TLN2: variants seen among roughly 807,000 people sequenced by gnomAD.
TLN2 encodes talin-2.
TLN2 carries 118 observed loss-of-function variants against 294.7 expected under a neutral mutation model. The ratio of observed to expected loss-of-function variants is 0.40; its 90% CI spans 0.34 to 0.47. The LOEUF (loss-of-function observed/expected upper bound fraction) is 0.47. TLN2 is among the 20% of genes least tolerant of loss of function. The pLI, the probability that TLN2 is intolerant of heterozygous loss-of-function variation, is 0.84. For synonymous variants in TLN2, 1,431 were observed against 1,304.5 expected, an observed-to-expected ratio of 1.10 and a Z score of -2.09; for missense variants, 3,083 against 3,282.2, an observed-to-expected ratio of 0.94 and a Z score of 1.48.
At chr15:62,577,209 T>G (rs1324752645) in intron 1 of TLN2, among the ~76,000 whole-genome samples, 5 of 152,186 alleles carry the variant, frequency 3.3e-5, no homozygotes, top group Non-Finnish European at 1.5e-5. Flanking sequence ...TTTGGGAGGC[T>G]GAGGCGGGCG....
chr15:62,796,929 T>C (rs1567626127), intron 47 of TLN2, among the ~76,000 whole-genome samples: 1 of 152,152 alleles, frequency 6.6e-6, no homozygotes, highest in Non-Finnish European at 1.5e-5. Flanking sequence ...TGACCTTTCA[T>C]TGAACTATAG....
intron 1 of TLN2, among the ~76,000 whole-genome samples, chr15:62,491,003 ATT>A (rs943341802): frequency 6.6e-6 from 1 of 152,134 alleles, no homozygotes; most frequent in African/African-American, 2.4e-5. Flanking sequence ...GGTTTTATAC[ATT>A]TTACAGAAAC....
chr15:62,606,021 G>A (rs557910175), intron 2 of TLN2, among the ~76,000 whole-genome samples: 4 of 152,294 alleles, frequency 2.6e-5, no homozygotes, highest in South Asian at 4.1e-4. Context: ...AGTGTTAGTC[G>A]ATAGTGCTAG....
chr15:62,754,120 T>C, intron 36 of TLN2: 1 of 662,224 alleles, frequency 1.5e-6, no homozygotes, highest in Non-Finnish European at 2.3e-6. Flanking sequence ...TGCCTTGAAA[T>C]GGGGTGCCAG....
intron 1 of TLN2, among the ~76,000 whole-genome samples, chr15:62,516,362 T>A (rs548587550): frequency 1.1e-4 from 17 of 152,368 alleles, no homozygotes; most frequent in Non-Finnish European, 7.3e-5. Context: ...GGATTATGTT[T>A]TCAGTGTTTT....
intron 2 of TLN2, among the ~76,000 whole-genome samples, chr15:62,606,931 T>C (rs2140805709): frequency 6.6e-6 from 1 of 152,272 alleles, no homozygotes; most frequent in Non-Finnish European, 1.5e-5. Flanking sequence ...GGTGGGCCAC[T>C]GTTGTTGTGT....
chr15:62,797,069 G>C, intron 47 of TLN2, 150 bp from the exon 48 acceptor site: 1 of 779,548 alleles, frequency 1.3e-6, no homozygotes, highest in South Asian at 1.9e-5. Flanking sequence ...GAAGATGAGA[G>C]TCCGTTGGTA....
chr15:62,733,343 G>A (rs1477521440), intron 28 of TLN2, among the ~76,000 whole-genome samples: 1 of 152,164 alleles, frequency 6.6e-6, no homozygotes, highest in African/African-American at 2.4e-5. Context: ...GAGAATGGAT[G>A]GGAAGCAAGG....
chr15:62,408,378 C>T (rs1416087368), intron 1 of TLN2, among the ~76,000 whole-genome samples: 1 of 152,166 alleles, frequency 6.6e-6, no homozygotes, highest in African/African-American at 2.4e-5. Context: ...GGCCCCAGCC[C>T]CAGAGATTTT....
chr15:62,594,977 A>C (rs952612874), intron 2 of TLN2, among the ~76,000 whole-genome samples: 1 of 152,264 alleles, frequency 6.6e-6, no homozygotes, highest in African/African-American at 2.4e-5. Context: ...AAAAATGAGC[A>C]AAGAATCTGA....
intron 14 of TLN2, among the ~76,000 whole-genome samples, chr15:62,694,966 A>G (rs1185263933): frequency 6.6e-6 from 1 of 152,214 alleles, no homozygotes; most frequent in Admixed American, 6.5e-5. Context: ...AATGGGGATA[A>G]TGATATTACC....
At position 62,614,381 on chromosome 15, in the gene TLN2, T is replaced by A. The variant is rs1389890394; in HGVS notation, c.-161-3970T>A. On this transcript the variant is annotated intron_variant, in intron 2 of 58. Transcript: ENST00000636159. ...CCTCTGTGGCAGGTAAGGGATTTTG[T>A]AATCACTGCATTGACTTTATAATTA... Among the ~76,000 whole-genome samples the A allele has an allele frequency of 2.0e-5, 3 of 152,236 alleles. No homozygotes were observed. In the East Asian group the frequency reaches 5.8e-4, roughly 29 times the overall value.
intron 1 of TLN2, among the ~76,000 whole-genome samples, chr15:62,533,074 T>C (rs1265255273): frequency 6.6e-6 from 1 of 151,682 alleles, no homozygotes; most frequent in Non-Finnish European, 1.5e-5. Context: ...GCCAAAGTGG[T>C]GAAACCCTGT....
intron 43 of TLN2, among the ~76,000 whole-genome samples, chr15:62,777,311 C>T (rs975348267): frequency 2.2e-4 from 33 of 152,042 alleles, no homozygotes; most frequent in East Asian, 1.2e-3. Context: ...CCAAGGCGGG[C>T]GGATCACCTG....
chr15:62,450,070 C>G (rs2036015371), intron 1 of TLN2, among the ~76,000 whole-genome samples: 1 of 152,148 alleles, frequency 6.6e-6, no homozygotes, highest in African/African-American at 2.4e-5. Flanking sequence ...ACTTACTTTC[C>G]TAATGTTTTC....
intron 21 of TLN2, among the ~76,000 whole-genome samples, chr15:62,710,928 G>A (rs899428136): frequency 4.6e-5 from 7 of 151,546 alleles, no homozygotes; most frequent in Non-Finnish European, 5.9e-5. Context: ...GGGTTTCACC[G>A]TGTTAGCCAG....
In TLN2 at chr15:62,646,169, C is replaced by CT. The variant is rs5813156; in HGVS notation, c.-36-1095dup. ...TCGTCTCATCTCTTTTCTTTTCTTT[C>CT]TTTTTTTTTTTGAGACAGAGTCTTG... On this transcript the variant is annotated intron_variant, in intron 3 of 58. Coordinates refer to ENST00000636159, the MANE Select transcript of TLN2 (RefSeq NM_015059.3). Among the ~76,000 whole-genome samples the CT allele has an allele frequency of 1.5e-4, 22 of 148,608 alleles. No homozygotes were observed. In the South Asian group the frequency reaches 1.5e-3, roughly 10 times the overall value.
intron 1 of TLN2, among the ~76,000 whole-genome samples, chr15:62,392,772 GGAGGGGA>G (rs1251757064): frequency 2.0e-5 from 3 of 152,178 alleles, no homozygotes; most frequent in African/African-American, 7.2e-5. Flanking sequence ...GTGTGCAGAG[GGAGGGGA>G]GAGGCTTTCC....
At chr15:62,418,900 A>G (rs1479376455) in intron 1 of TLN2, among the ~76,000 whole-genome samples, 1 of 152,204 alleles carries the variant, frequency 6.6e-6, no homozygotes, top group Non-Finnish European at 1.5e-5. Flanking sequence ...GTGGATCTTC[A>G]GTTGCTTCAG....
Sources: allele counts gnomAD v4.1 joint callset (sites outside exome capture counted in the v4.1 genomes callset), GRCh38; gene constraint gnomAD v4.1.1; transcripts MANE v1.5; gene names NCBI Gene and HGNC (gene_info 2026-07-23, HGNC 2026-07-21).